The following BICDL1 variants were observed in gnomAD, a reference collection of about 807,000 sequenced individuals.
The protein encoded by BICDL1 is BICD family-like cargo adapter 1.
BICDL1 carries 20 observed loss-of-function variants against 76.8 expected under a neutral mutation model. The ratio of observed to expected loss-of-function variants is 0.26; its 90% CI spans 0.18 to 0.38. BICDL1 has a LOEUF of 0.38. BICDL1 is among the 10% of genes least tolerant of loss of function. The pLI, the probability that BICDL1 is intolerant of heterozygous loss-of-function variation, is 1.00. For synonymous variants in BICDL1, 383 were observed against 337.1 expected, an observed-to-expected ratio of 1.14 and a Z score of -1.49; for missense variants, 700 against 798.6, an observed-to-expected ratio of 0.88 and a Z score of 1.49.
chr12:120,091,306 G>C, intron 9 of BICDL1: 1 of 1,066,058 alleles, frequency 9.4e-7, no homozygotes, highest in Non-Finnish European at 1.1e-6. Context: ...CGTGTGTCTG[G>C]GAAACTCTAA....
At chr12:120,008,656 G>A (rs1951896571) in intron 2 of BICDL1, among the ~76,000 whole-genome samples, 1 of 152,060 alleles carries the variant, frequency 6.6e-6, no homozygotes, top group African/African-American at 2.4e-5. Flanking sequence ...TTGATTTTTT[G>A]GTTGATATTT....
chr12:120,026,551 C>T (rs1388338423), intron 2 of BICDL1, among the ~76,000 whole-genome samples: 1 of 152,164 alleles, frequency 6.6e-6, no homozygotes, highest in Non-Finnish European at 1.5e-5. Context: ...AGGAGCTAAT[C>T]ACTCTTGAGG....
intron 3 of BICDL1, 99 bp from the exon 4 acceptor site, chr12:120,064,634 G>A: frequency 1.6e-6 from 2 of 1,245,148 alleles, no homozygotes; most frequent in South Asian, 3.0e-5. Context: ...GCAGAATACT[G>A]AAAGATACTT....
intron 9 of BICDL1, chr12:120,092,365 T>A: frequency 1.5e-5 from 15 of 985,452 alleles, no homozygotes; most frequent in Non-Finnish European, 1.8e-5. Flanking sequence ...CCTGATTTGG[T>A]GCAGGACAGC....
At chr12:120,069,255 C>A (rs1346638323) in intron 4 of BICDL1, among the ~76,000 whole-genome samples, 1 of 152,140 alleles carries the variant, frequency 6.6e-6, no homozygotes, top group African/African-American at 2.4e-5. Context: ...GTAATTAGCT[C>A]TTTTCAAGTC....
chr12:120,072,536 A>G lies in BICDL1; in HGVS notation c.1115A>G (p.Tyr372Cys), dbSNP rs1461445342. ...CTGAGACTGCAGCTCTGGGAAGCCT[A>G]CTGCCAGGTTCGCTATCTGTGCTCA... ...EQLRLQLWEA[Y>C]CQVRYLCSHL... is the part of the protein sequence containing the mutation. The change falls in exon 6 of 10, where the codon TAC (tyrosine) becomes TGC (cysteine). Residue 372 changes from tyrosine to cysteine, a missense_variant. Coordinates refer to ENST00000548673, the MANE Select transcript of BICDL1 (RefSeq NM_001367886.1). 1.2e-6 allele frequency: 2 copies of G among 1,614,176 alleles called. No individual in the cohort carries two copies. Among genetic ancestry groups the G allele is most frequent in the Non-Finnish European group, 1.7e-6 (2 of 1,180,000 alleles).
At chr12:120,006,555 G>A (rs1020321326) in intron 2 of BICDL1, among the ~76,000 whole-genome samples, 1 of 152,222 alleles carries the variant, frequency 6.6e-6, no homozygotes, top group African/African-American at 2.4e-5. Context: ...GGAGGAGAAA[G>A]TGGTAGCTGT....
chr12:120,077,212 C>T (rs1252799336), intron 7 of BICDL1, among the ~76,000 whole-genome samples: 1 of 152,204 alleles, frequency 6.6e-6, no homozygotes, highest in African/African-American at 2.4e-5. Flanking sequence ...TAAAGGAAAG[C>T]GTAGGTTTAA....
chr12:120,082,277 G>C (rs994293311), intron 8 of BICDL1, among the ~76,000 whole-genome samples: 12 of 151,732 alleles, frequency 7.9e-5, no homozygotes, highest in African/African-American at 2.9e-4. Flanking sequence ...TTTGAAGACA[G>C]AGTCTCACTC....
chr12:120,091,034 T>C lies in BICDL1; in HGVS notation c.1704+963T>C, dbSNP rs1022549582. On this transcript the variant is annotated intron_variant, in intron 9 of 9. Transcript: ENST00000548673. ...CTGCCTTTGAGGTGAGCCTGAGCCC[T>C]ACATCCCATCCACCGTCTCGCCCTG... 21 of 1,288,834 alleles carry C rather than the reference T, an allele frequency of 1.6e-5. 1 individual carries two copies. The African/African-American group carries it at 2.9e-4, about 18-fold the overall frequency. The allele number at this position is 1,288,834 out of a possible 1,614,324, so 79.8% of individuals were successfully genotyped here. A position where few individuals can be genotyped will look rare whatever the true frequency, so the allele number is the denominator to read the frequency against.
rs1269235279 is a variant in BICDL1, at chr12:120,059,101, A to G, written c.646-2609A>G. ...GTTTTTTTTTTATTAATTTTTTTTA[A>G]TTTTTTCTTTTTGAGACGTAGTCTT... On this transcript the variant is annotated intron_variant, in intron 2 of 9. Coordinates refer to ENST00000548673, the MANE Select transcript of BICDL1 (RefSeq NM_001367886.1). Among the ~76,000 whole-genome samples, 2 of 149,274 alleles carry G rather than the reference A, an allele frequency of 1.3e-5. 1 individual carries two copies. The highest frequency in any genetic ancestry group is 3.0e-5 in the Non-Finnish European group (2 of 66,992).
At chr12:120,085,322 C>G (rs1874316424) in intron 8 of BICDL1, among the ~76,000 whole-genome samples, 1 of 151,980 alleles carries the variant, frequency 6.6e-6, no homozygotes, top group Admixed American at 6.6e-5. Context: ...TGGAGGATCA[C>G]AAATTCAGGA....
chr12:120,027,508 G>A (rs1329263731), intron 2 of BICDL1, among the ~76,000 whole-genome samples: 1 of 152,100 alleles, frequency 6.6e-6, no homozygotes, highest in Non-Finnish European at 1.5e-5. Context: ...AATTGAATTA[G>A]GTGTTGTTAT....
In BICDL1 at chr12:120,071,560, G is replaced by C. The variant is rs1465903138; in HGVS notation, c.910-62G>C. Reference sequence around the variant, plus strand: ...GGATCCAGAAGCATGATCAGGTTGAGGGTCAGTTTGTCTTGGTTTTTGTGT... The same window carrying C: ...GGATCCAGAAGCATGATCAGGTTGACGGTCAGTTTGTCTTGGTTTTTGTGT... On this transcript the variant is annotated intron_variant, in intron 4 of 9. Coordinates refer to ENST00000548673, the MANE Select transcript of BICDL1 (RefSeq NM_001367886.1). The surrounding 1 kb of genome is among the most constrained non-coding windows in gnomAD (Gnocchi z 4.8). 2.0e-6 allele frequency: 3 copies of C among 1,531,568 alleles called. No individual in the cohort carries two copies. In the African/African-American group the frequency reaches 4.1e-5, roughly 21 times the overall value. The allele number at this position is 1,531,568 out of a possible 1,614,324, so 94.9% of individuals were successfully genotyped here. A position where few individuals can be genotyped will look rare whatever the true frequency, so the allele number is the denominator to read the frequency against.
At chr12:120,000,919 T>C (rs966580781) in intron 2 of BICDL1, among the ~76,000 whole-genome samples, 18 of 152,246 alleles carry the variant, frequency 1.2e-4, no homozygotes, top group Admixed American at 1.0e-3. Context: ...GATGGTTGTT[T>C]TACTAAAGCA....
intron 9 of BICDL1, chr12:120,091,503 A>G (rs11065018): frequency 0.22 from 213,575 of 986,768 alleles, 30,381 homozygotes; most frequent in African/African-American, 0.67. Flanking sequence ...ATCATATACT[A>G]GACCCTTATA....
intron 4 of BICDL1, among the ~76,000 whole-genome samples, chr12:120,066,124 A>G (rs1163962825): frequency 2.0e-5 from 3 of 152,204 alleles, no homozygotes; most frequent in East Asian, 1.9e-4. Context: ...TGCTTTTAGC[A>G]TACATCATAA....
chr12:120,037,494 C>T (rs1476906342), intron 2 of BICDL1, among the ~76,000 whole-genome samples: 4 of 151,774 alleles, frequency 2.6e-5, no homozygotes, highest in Admixed American at 2.0e-4. Flanking sequence ...TCCTGGCATC[C>T]CAGATAGACA....
intron 2 of BICDL1, among the ~76,000 whole-genome samples, chr12:120,042,066 C>T (rs934927557): frequency 1.3e-5 from 2 of 151,840 alleles, no homozygotes; most frequent in Non-Finnish European, 2.9e-5. Flanking sequence ...GTAGGTGGCA[C>T]CACAGTCAGT....
Sources: allele counts gnomAD v4.1 joint callset (sites outside exome capture counted in the v4.1 genomes callset), GRCh38; gene constraint gnomAD v4.1.1; non-coding constraint Gnocchi (gnomAD v3.1); transcripts MANE v1.5; gene names NCBI Gene and HGNC (gene_info 2026-07-23, HGNC 2026-07-21).